The following PLXDC2 variants were observed in gnomAD, a reference collection of about 807,000 sequenced individuals.
PLXDC2 encodes the protein plexin domain-containing protein 2.
In PLXDC2, 40 loss-of-function variants were observed where a neutral mutation model predicts 68.9. That is an observed-to-expected ratio of 0.58 (90% CI 0.45 to 0.76). The LOEUF (loss-of-function observed/expected upper bound fraction) is 0.76. Ranked by LOEUF, PLXDC2 falls within the 30% of genes least tolerant of loss-of-function variation. PLXDC2 has a pLI of 0.00. For synonymous variants in PLXDC2, 243 were observed against 234.2 expected (o/e 1.04, Z -0.34); for missense variants, 644 against 661.9 (o/e 0.97, Z 0.30).
At chr10:19,861,324 C>T (rs961398446) in intron 1 of PLXDC2, among the ~76,000 whole-genome samples, 4 of 152,084 alleles carry the variant, frequency 2.6e-5, no homozygotes, top group African/African-American at 9.7e-5. Flanking sequence ...CATGAGCCAC[C>T]GAGCCCAGCG....
intron 4 of PLXDC2, among the ~76,000 whole-genome samples, chr10:20,094,360 C>T (rs1564312970): frequency 6.6e-6 from 1 of 152,192 alleles, no homozygotes; most frequent in African/African-American, 2.4e-5. Flanking sequence ...CAGTAGGCAA[C>T]TCGCCTAAGG....
chr10:19,957,276 G>A (rs1834085573), intron 1 of PLXDC2, among the ~76,000 whole-genome samples: 1 of 152,052 alleles, frequency 6.6e-6, no homozygotes, highest in Non-Finnish European at 1.5e-5. Flanking sequence ...TGCTCTCTTT[G>A]TAGTTCTTTG....
chr10:19,853,795 G>A (rs993111344), intron 1 of PLXDC2, among the ~76,000 whole-genome samples: 1 of 152,180 alleles, frequency 6.6e-6, no homozygotes, highest in African/African-American at 2.4e-5. Flanking sequence ...CTCCTGCCAG[G>A]TTGTTGGAAA....
At chr10:20,237,482 G>A (rs1835449461) in intron 12 of PLXDC2, among the ~76,000 whole-genome samples, 1 of 152,166 alleles carries the variant, frequency 6.6e-6, no homozygotes, top group African/African-American at 2.4e-5. Context: ...AGTTAAAGAG[G>A]TAAGAGAGAA....
chr10:19,864,195 G>T (rs1837372897), intron 1 of PLXDC2, among the ~76,000 whole-genome samples: 2 of 152,074 alleles, frequency 1.3e-5, no homozygotes, highest in Admixed American at 6.6e-5. Context: ...TGTAGAGATA[G>T]GGTTCTCACT....
chr10:20,171,095 A>G (rs958836124), intron 7 of PLXDC2, among the ~76,000 whole-genome samples: 3 of 152,174 alleles, frequency 2.0e-5, no homozygotes, highest in African/African-American at 7.2e-5. Context: ...ATTCACTATA[A>G]TTATGTAGCA....
intron 1 of PLXDC2, among the ~76,000 whole-genome samples, chr10:19,996,053 T>C (rs1259315693): frequency 1.3e-5 from 2 of 152,154 alleles, no homozygotes; most frequent in African/African-American, 4.8e-5. Context: ...TAAGGAGTCA[T>C]TCGAGGCTTG....
intron 5 of PLXDC2, among the ~76,000 whole-genome samples, chr10:20,143,672 A>G (rs1026364140): frequency 6.6e-6 from 1 of 152,074 alleles, no homozygotes; most frequent in Non-Finnish European, 1.5e-5. Context: ...GACAAAGCAA[A>G]CGCATTTATT....
chr10:19,885,707 A>G (rs1351071406), intron 1 of PLXDC2, among the ~76,000 whole-genome samples: 3 of 151,638 alleles, frequency 2.0e-5, no homozygotes, highest in African/African-American at 7.3e-5. Context: ...TGTTCCATTG[A>G]TCTATATCTC....
chr10:19,936,032 G>A (rs1005329088), intron 1 of PLXDC2, among the ~76,000 whole-genome samples: 26 of 152,174 alleles, frequency 1.7e-4, no homozygotes, highest in African/African-American at 5.8e-4. Flanking sequence ...ATTTGAAATC[G>A]TTGAGAAACA....
At chr10:20,026,192 A>G (rs543715232) in intron 2 of PLXDC2, among the ~76,000 whole-genome samples, 1 of 151,930 alleles carries the variant, frequency 6.6e-6, no homozygotes, top group African/African-American at 2.4e-5. Flanking sequence ...TATGTTCTCC[A>G]CTAAACTATA....
chr10:20,007,385 C>T (rs1488763611), intron 2 of PLXDC2, among the ~76,000 whole-genome samples: 2 of 152,190 alleles, frequency 1.3e-5, no homozygotes, highest in African/African-American at 2.4e-5. Context: ...AAATCAGTCT[C>T]AAAGTCCTTT....
intron 1 of PLXDC2, among the ~76,000 whole-genome samples, chr10:19,830,406 A>G (rs1479015147): frequency 2.0e-5 from 3 of 152,182 alleles, no homozygotes; most frequent in Admixed American, 2.0e-4. Context: ...TGTTTCTCTT[A>G]TACTCAGAGC....
chr10:20,234,109 G>C (rs1029078021), intron 12 of PLXDC2, among the ~76,000 whole-genome samples: 1 of 151,868 alleles, frequency 6.6e-6, no homozygotes, highest in Non-Finnish European at 1.5e-5. Flanking sequence ...TTGCAGATGT[G>C]AGCCACCGTG....
At chr10:20,076,960 C>T (rs1427330813) in intron 4 of PLXDC2, among the ~76,000 whole-genome samples, 4 of 152,114 alleles carry the variant, frequency 2.6e-5, no homozygotes, top group African/African-American at 4.8e-5. Context: ...AAATATTTCT[C>T]TAATTGTGAC....
intron 1 of PLXDC2, among the ~76,000 whole-genome samples, chr10:19,830,277 A>G (rs1044098409): frequency 2.6e-5 from 4 of 152,314 alleles, no homozygotes; most frequent in Middle Eastern, 3.4e-3. Flanking sequence ...AAAAGAATCA[A>G]TACAATCTCT....
intron 1 of PLXDC2, among the ~76,000 whole-genome samples, chr10:19,888,560 A>G (rs4748621): frequency 0.013 from 2,013 of 152,296 alleles, 140 homozygotes; most frequent in Admixed American, 0.11. Flanking sequence ...ATATGGCTGT[A>G]GGGCACAGAG....
At chr10:20,236,806 C>T (rs1285050306) in intron 12 of PLXDC2, among the ~76,000 whole-genome samples, 3 of 152,216 alleles carry the variant, frequency 2.0e-5, no homozygotes, top group African/African-American at 7.2e-5. Flanking sequence ...AAAACTTTCC[C>T]TTTAAGATAT....
At chr10:20,117,067 TCAG>T (rs1409773733) in intron 4 of PLXDC2, among the ~76,000 whole-genome samples, 5 of 151,484 alleles carry the variant, frequency 3.3e-5, no homozygotes, top group Non-Finnish European at 1.5e-5. Context: ...AAAAAATAGT[TCAG>T]CAGTTGAGCG....
Sources: gnomAD v4.1 joint callset for allele counts (sites outside exome capture counted in the v4.1 genomes callset) on GRCh38, gnomAD v4.1.1 for gene constraint, MANE v1.5 for transcripts, NCBI Gene and HGNC (gene_info 2026-07-23, HGNC 2026-07-21) for gene names.